Variants in GABRR3 observed in about 807,000 individuals in gnomAD.
The protein encoded by GABRR3 is gamma-aminobutyric acid receptor subunit rho-3.
Under a neutral mutation model 43.2 loss-of-function variants are expected in GABRR3, and 29 were observed. That is an observed-to-expected ratio of 0.67 (90% CI 0.50 to 0.92). The LOEUF (loss-of-function observed/expected upper bound fraction) is 0.92. Among genes scored for constraint, GABRR3 ranks in the 40% least tolerant of loss-of-function variants. The probability of loss-of-function intolerance (pLI) is 0.00; values close to 1 mark genes in which losing one functional copy is unlikely to be tolerated. For synonymous variants in GABRR3, 206 were observed against 195.9 expected, an observed-to-expected ratio of 1.05 and a Z score of -0.43; for missense variants, 576 against 572.3, an observed-to-expected ratio of 1.01 and a Z score of -0.07.
intron 3 of GABRR3, among the ~76,000 whole-genome samples, chr3:98,019,973 G>A (rs567724116): frequency 6.6e-6 from 1 of 152,192 alleles, no homozygotes; most frequent in South Asian, 2.1e-4. Context: ...GCTTTTTTAC[G>A]TGTGTGTGCC....
Position 98,013,903 on chromosome 3 carries a change from C to T in GABRR3, c.307-1336G>A, listed in dbSNP as rs1159744925. On this transcript the variant is annotated intron_variant, in intron 4 of 9. Transcript: ENST00000621172. Reference sequence around the variant, plus strand: ...TGAGTTTATGCAGTCAAATAGCAGACGTTGGTGCATGTCTGTGATATAGCA... The same window carrying T: ...TGAGTTTATGCAGTCAAATAGCAGATGTTGGTGCATGTCTGTGATATAGCA... Among the ~76,000 whole-genome samples the T allele has an allele frequency of 3.3e-5, 5 of 152,158 alleles. 1 individual carries two copies. Among genetic ancestry groups the T allele is most frequent in the Admixed American group, 2.0e-4 (3 of 15,282 alleles).
rs773240068 is a variant in GABRR3 at position 98,007,920 on chromosome 3, A to T, written c.614-16T>A. 16 of 1,542,646 alleles carry T rather than the reference A, an allele frequency of 1.0e-5. No homozygotes were observed. In the East Asian group the frequency reaches 3.4e-4, roughly 32 times the overall value. On this transcript the variant is annotated splice_polypyrimidine_tract_variant and intron_variant, in intron 6 of 9. Coordinates refer to ENST00000621172, the Ensembl canonical transcript of GABRR3. ...TTGTAGGCATCTAAAACATGAAAAT[A>T]TCAGTCTTGTAAGTGTAATAAGCTC...
At position 98,029,419 on chromosome 3, in the gene GABRR3, G is replaced by A. The variant is rs56348803; in HGVS notation, c.126-3740C>T. Among the ~76,000 whole-genome samples, 1,000 of 152,298 alleles carry A rather than the reference G, an allele frequency of 6.6e-3. 9 individuals are homozygous for A. Among genetic ancestry groups the A allele is most frequent in the African/African-American group, 0.023 (937 of 41,556 alleles). On this transcript the variant is annotated intron_variant, in intron 2 of 9. Coordinates refer to ENST00000621172, the Ensembl canonical transcript of GABRR3. ...CTGAGTGGTCTCAGGGGGACTAAGA[G>A]GGTCTTTGAGGAGGACATAGTAGTC... is the stretch of plus-strand genomic sequence containing the variant.
chr3:98,025,184 G>A (rs548511747), intron 3 of GABRR3, among the ~76,000 whole-genome samples: 322 of 152,318 alleles, frequency 2.1e-3, no homozygotes, highest in African/African-American at 7.3e-3. Flanking sequence ...GGAAGCCATG[G>A]CATTTGCCAT....
intron 6 of GABRR3, 101 bp downstream of exon 6, chr3:98,008,855 A>C: frequency 4.2e-6 from 2 of 479,198 alleles, no homozygotes. Context: ...TAAATATATC[A>C]GTATTTTAAA....
rs764583346 is a variant in GABRR3 at position 97,993,063 on chromosome 3, T to C, written c.908-15A>G. On this transcript the variant is annotated splice_polypyrimidine_tract_variant and intron_variant, in intron 8 of 9. Transcript: ENST00000621172. ...TGTGGTGATTCCTGCCATTTGAGAATAGTGGCAAGCTCAGTGATATAGCCA... is the reference window on the plus strand; with the variant it reads ...TGTGGTGATTCCTGCCATTTGAGAACAGTGGCAAGCTCAGTGATATAGCCA... The C allele has an allele frequency of 6.3e-7, 1 of 1,574,918 alleles. No homozygotes were observed. The highest frequency in any genetic ancestry group is 1.3e-5 in the African/African-American group (1 of 74,158).
chr3:97,996,536 C>T (rs1454161852), intron 8 of GABRR3, among the ~76,000 whole-genome samples: 1 of 152,090 alleles, frequency 6.6e-6, no homozygotes, highest in Non-Finnish European at 1.5e-5. Flanking sequence ...TCTTCCTCTG[C>T]CATATCTGTT....
At chr3:98,034,760 T>C in intron 2 of GABRR3, 103 bp downstream of exon 2, 7 of 1,363,474 alleles carry the variant, frequency 5.1e-6, no homozygotes, top group Admixed American at 1.8e-5. Flanking sequence ...GTTACAAAGA[T>C]GTGCTACCAT....
At chr3:98,025,717 C>T (rs951725288) in intron 2 of GABRR3, 38 bp from the exon 3 acceptor site, 2 of 1,333,820 alleles carry the variant, frequency 1.5e-6, no homozygotes, top group Admixed American at 2.0e-5. Context: ...TTCTGAGATA[C>T]ATATGCTTCT....
At chr3:98,012,213 C>T (rs1227789363) in intron 5 of GABRR3, 131 bp downstream of exon 5, 1 of 675,656 alleles carries the variant, frequency 1.5e-6, no homozygotes, top group African/African-American at 1.8e-5. Flanking sequence ...ACATCTTATG[C>T]TTGTGTCCCA....
chr3:98,010,620 A>G (rs1706777901), intron 5 of GABRR3, among the ~76,000 whole-genome samples: 1 of 152,236 alleles, frequency 6.6e-6, no homozygotes, highest in Non-Finnish European at 1.5e-5. Context: ...GAGCCTGGCT[A>G]GGGCCAAATA....
At chr3:97,992,355 C>A (rs759525396) in intron 9 of GABRR3, among the ~76,000 whole-genome samples, 2 of 152,138 alleles carry the variant, frequency 1.3e-5, no homozygotes, top group Non-Finnish European at 2.9e-5. Context: ...AAGCCTGATT[C>A]CTCTTCAGCT....
intron 6 of GABRR3, 158 bp downstream of exon 6, chr3:98,008,798 C>CAAAAAAAAAAAA (rs57502092): frequency 3.5e-5 from 4 of 113,848 alleles, no homozygotes; most frequent in Non-Finnish European, 3.5e-5. Context: ...AAACAGAAAC[C>CAAAAAAAAAAAA]AAAAAAAAAA....
At chr3:97,994,793 G>A (rs925905078) in intron 8 of GABRR3, among the ~76,000 whole-genome samples, 8 of 152,184 alleles carry the variant, frequency 5.3e-5, no homozygotes, top group Non-Finnish European at 8.8e-5. Flanking sequence ...TATTTTGTCA[G>A]AGCAGAGTGC....
intron 2 of GABRR3, among the ~76,000 whole-genome samples, chr3:98,033,158 G>T (rs1707111255): frequency 6.6e-6 from 1 of 152,176 alleles, no homozygotes; most frequent in Middle Eastern, 3.4e-3. Flanking sequence ...CCAGTGTGAT[G>T]GTTTATGCAA....
intron 2 of GABRR3, 117 bp from the exon 3 acceptor site, chr3:98,025,796 C>A: frequency 3.3e-6 from 2 of 610,432 alleles, no homozygotes; most frequent in Non-Finnish European, 5.6e-6. Flanking sequence ...CATAAAAGCT[C>A]ATTTTCTCAG....
intron 5 of GABRR3, among the ~76,000 whole-genome samples, chr3:98,009,545 A>G (rs888393247): frequency 6.6e-6 from 1 of 152,178 alleles, no homozygotes; most frequent in Non-Finnish European, 1.5e-5. Flanking sequence ...TTATAGATCT[A>G]TGTGCACAAT....
At chr3:98,020,588 T>A (rs1175407297) in intron 3 of GABRR3, among the ~76,000 whole-genome samples, 1 of 151,952 alleles carries the variant, frequency 6.6e-6, no homozygotes, top group African/African-American at 2.4e-5. Context: ...CTGACAACTG[T>A]CTCTACAAGC....
chr3:98,005,677 A>G lies in GABRR3; in HGVS notation c.754+2087T>C, dbSNP rs941843686. Among the ~76,000 whole-genome samples, 41 of 152,314 alleles carry G rather than the reference A, an allele frequency of 2.7e-4. 1 individual carries two copies. Among genetic ancestry groups the G allele is most frequent in the African/African-American group, 9.9e-4 (41 of 41,580 alleles). Reference sequence around the variant, plus strand: ...ACAAGCACAAATAAAATTATGGTAGAGCAAATGGAATGATTTAGTGGTAAA... The same window carrying G: ...ACAAGCACAAATAAAATTATGGTAGGGCAAATGGAATGATTTAGTGGTAAA... On this transcript the variant is annotated intron_variant, in intron 7 of 9. Coordinates refer to ENST00000621172, the Ensembl canonical transcript of GABRR3.
Sources: allele counts gnomAD v4.1 joint callset (sites outside exome capture counted in the v4.1 genomes callset), GRCh38; gene constraint gnomAD v4.1.1; transcripts MANE v1.5; gene names NCBI Gene and HGNC (gene_info 2026-07-23, HGNC 2026-07-21).